Variants in SULF1 observed in about 807,000 individuals in gnomAD.
SULF1 encodes the protein sulfatase 1.
In SULF1, 46 loss-of-function variants were observed where a neutral mutation model predicts 110.5. That is an observed-to-expected ratio of 0.42 (90% CI 0.33 to 0.53). SULF1 has a LOEUF of 0.53. SULF1 is among the 20% of genes least tolerant of loss of function. The pLI is 0.12. For synonymous variants in SULF1, 371 were observed against 387.1 expected (o/e 0.96, Z 0.49); for missense variants, 941 against 1,094.2 (o/e 0.86, Z 1.98).
chr8:69,642,780 A>G (rs1811579499), intron 22 of SULF1, among the ~76,000 whole-genome samples: 1 of 152,190 alleles, frequency 6.6e-6, no homozygotes, highest in Non-Finnish European at 1.5e-5. Context: ...TCAGAGAGTC[A>G]TTCTCCATGA....
chr8:69,544,105 C>T (rs1201432433), intron 3 of SULF1, among the ~76,000 whole-genome samples: 1 of 152,278 alleles, frequency 6.6e-6, no homozygotes. Flanking sequence ...TCTTTCTAAA[C>T]TTTGCTAGTT....
chr8:69,634,710 C>A (rs1036271641), intron 19 of SULF1, among the ~76,000 whole-genome samples: 2 of 151,900 alleles, frequency 1.3e-5, no homozygotes, highest in African/African-American at 4.8e-5. Context: ...GCAGATCACA[C>A]CACTGGGCGA....
At chr8:69,551,858 A>G (rs1036281898) in intron 3 of SULF1, among the ~76,000 whole-genome samples, 2 of 152,142 alleles carry the variant, frequency 1.3e-5, no homozygotes, top group African/African-American at 4.8e-5. Context: ...TTGAGAGGCC[A>G]AGGCGGGTGG....
intron 13 of SULF1, among the ~76,000 whole-genome samples, chr8:69,617,216 T>A (rs1809219094): frequency 6.6e-6 from 1 of 151,404 alleles, no homozygotes; most frequent in African/African-American, 2.4e-5. Flanking sequence ...CAGGCTGTAG[T>A]GCAGTAGCAT....
chr8:69,496,627 T>C (rs1810378526), intron 2 of SULF1, among the ~76,000 whole-genome samples: 1 of 152,190 alleles, frequency 6.6e-6, no homozygotes, highest in Non-Finnish European at 1.5e-5. Context: ...ATTAGCACAA[T>C]TGAAGTATGA....
chr8:69,525,036 CA>C, intron 3 of SULF1, among the ~76,000 whole-genome samples: 1 of 152,264 alleles, frequency 6.6e-6, no homozygotes, highest in African/African-American at 2.4e-5. Context: ...TTTACTTTGA[CA>C]AAAGATCATT....
intron 3 of SULF1, among the ~76,000 whole-genome samples, chr8:69,553,338 G>A (rs1479225522): frequency 6.6e-6 from 1 of 152,164 alleles, no homozygotes; most frequent in Non-Finnish European, 1.5e-5. Context: ...TCAAATCCAA[G>A]CCTTTGTGTT....
intron 19 of SULF1, among the ~76,000 whole-genome samples, chr8:69,636,194 A>T (rs976039466): frequency 6.6e-6 from 1 of 152,148 alleles, no homozygotes; most frequent in Non-Finnish European, 1.5e-5. Context: ...ATTACACCCA[A>T]CGCATTTTCG....
intron 1 of SULF1, among the ~76,000 whole-genome samples, chr8:69,468,391 G>A (rs1808945417): frequency 6.6e-6 from 1 of 152,174 alleles, no homozygotes; most frequent in South Asian, 2.1e-4. Context: ...CAACCATGCA[G>A]ATAATTTTTT....
chr8:69,520,566 C>T (rs542964680), intron 3 of SULF1, among the ~76,000 whole-genome samples: 2 of 152,252 alleles, frequency 1.3e-5, no homozygotes, highest in South Asian at 4.1e-4. Context: ...TAAAACTAAG[C>T]AAAATGACAT....
intron 13 of SULF1, among the ~76,000 whole-genome samples, chr8:69,619,317 CTG>C (rs1809417963): frequency 6.6e-6 from 1 of 152,182 alleles, no homozygotes; most frequent in African/African-American, 2.4e-5. Flanking sequence ...TATTTTAACT[CTG>C]TGACAACTGT....
chr8:69,586,635 G>T (rs944431754), intron 7 of SULF1, 127 bp downstream of exon 7: 1 of 1,097,034 alleles, frequency 9.1e-7, no homozygotes, highest in Non-Finnish European at 1.3e-6. Flanking sequence ...CATGAGAAAT[G>T]TTAAGGTAAT....
intron 1 of SULF1, among the ~76,000 whole-genome samples, chr8:69,480,738 A>G (rs1809481744): frequency 1.3e-5 from 2 of 152,102 alleles, no homozygotes; most frequent in South Asian, 2.1e-4. Context: ...ATAACTCAAA[A>G]TAAAAAGATT....
At chr8:69,577,801 G>T (rs1421484306) in intron 6 of SULF1, among the ~76,000 whole-genome samples, 1 of 152,118 alleles carries the variant, frequency 6.6e-6, no homozygotes, top group Non-Finnish European at 1.5e-5. Context: ...AAGGCTAATT[G>T]TCTATGGTCA....
At chr8:69,471,998 T>A (rs191867660) in intron 1 of SULF1, among the ~76,000 whole-genome samples, 4,436 of 149,280 alleles carry the variant, frequency 0.03, 208 homozygotes, top group African/African-American at 0.096. Flanking sequence ...GGAGAGAAAG[T>A]GAGAGAGAGA....
rs1176211054 is a variant in SULF1, at chr8:69,617,500, C to A, written c.1378-3535C>A. ...CCCAGGCTGTTCTTGAACTCCTGGG[C>A]TCAAGCAATCCACCTGCCTTGGCCT... On this transcript the variant is annotated intron_variant, in intron 13 of 22. Coordinates refer to ENST00000402687, the MANE Select transcript of SULF1 (RefSeq NM_001128205.2). Among the ~76,000 whole-genome samples the A allele has an allele frequency of 9.7e-5, 14 of 144,742 alleles. No homozygotes were observed. The Admixed American group carries it at 9.8e-4, about 10-fold the overall frequency. The allele number at this position is 144,742 out of a possible 152,430, so 95.0% of individuals were successfully genotyped here. A position where few individuals can be genotyped will look rare whatever the true frequency, so the allele number is the denominator to read the frequency against.
intron 3 of SULF1, among the ~76,000 whole-genome samples, chr8:69,558,500 C>T (rs558955603): frequency 2.0e-5 from 3 of 152,214 alleles, no homozygotes; most frequent in Non-Finnish European, 4.4e-5. Flanking sequence ...CCCTTGCATA[C>T]TTCAGATGCA....
At chr8:69,640,049 C>G (rs376070454) in intron 21 of SULF1, among the ~76,000 whole-genome samples, 4 of 149,466 alleles carry the variant, frequency 2.7e-5, no homozygotes, top group Non-Finnish European at 5.9e-5. Context: ...ATCTGTTGAC[C>G]TTTTCCTCAA....
At chr8:69,517,218 G>A (rs1291546419) in intron 3 of SULF1, among the ~76,000 whole-genome samples, 2 of 152,076 alleles carry the variant, frequency 1.3e-5, no homozygotes, top group South Asian at 2.1e-4. Flanking sequence ...TGCTTTAATA[G>A]GAGCCCACTC....
Sources: gnomAD v4.1 joint callset for allele counts (sites outside exome capture counted in the v4.1 genomes callset) on GRCh38, gnomAD v4.1.1 for gene constraint, MANE v1.5 for transcripts, NCBI Gene and HGNC (gene_info 2026-07-23, HGNC 2026-07-21) for gene names.